The following PCCA variants were observed in gnomAD, a reference collection of about 807,000 sequenced individuals.
PCCA encodes the protein propionyl-CoA carboxylase subunit alpha.
A neutral mutation model predicts 101.3 loss-of-function variants in PCCA; 74 were observed. The observed-to-expected ratio is 0.73, with a 90% CI of 0.61 to 0.89. PCCA has a LOEUF of 0.89. Ranked by LOEUF, PCCA falls within the 40% of genes least tolerant of loss-of-function variation. PCCA has a pLI of 0.00. For synonymous variants in PCCA, 294 were observed against 313.6 expected (o/e 0.94, Z 0.66); for missense variants, 891 against 907.0 (o/e 0.98, Z 0.23).
chr13:100,491,580 C>A, intron 21 of PCCA: 1 of 953,126 alleles, frequency 1.0e-6, no homozygotes, highest in Non-Finnish European at 1.5e-6. Context: ...AAATGTTGCC[C>A]TTGGGATAGA....
At chr13:100,300,042 A>T (rs2065936167) in intron 12 of PCCA, among the ~76,000 whole-genome samples, 1 of 152,224 alleles carries the variant, frequency 6.6e-6, no homozygotes, top group Non-Finnish European at 1.5e-5. Context: ...GAGTGCTGAG[A>T]TGCTTTCTCA....
chr13:100,438,222 A>G (rs368821137), intron 20 of PCCA, among the ~76,000 whole-genome samples: 29 of 151,570 alleles, frequency 1.9e-4, no homozygotes, highest in African/African-American at 6.3e-4. Flanking sequence ...GTGGTGCAGT[A>G]TGGCTCACTG....
intron 12 of PCCA, among the ~76,000 whole-genome samples, chr13:100,290,770 AT>A (rs1208118284): frequency 6.6e-6 from 1 of 152,148 alleles, no homozygotes; most frequent in Non-Finnish European, 1.5e-5. Flanking sequence ...GATAACTGTC[AT>A]TTTATATTTA....
Position 100,494,544 on chromosome 13 carries a change from G to A in PCCA, c.1900-20883G>A, listed in dbSNP as rs144269089. Among the ~76,000 whole-genome samples the A allele has an allele frequency of 6.8e-3, 1,029 of 152,048 alleles. 8 individuals are homozygous for A. Among genetic ancestry groups the A allele is most frequent in the African/African-American group, 0.024 (980 of 41,470 alleles). On this transcript the variant is annotated intron_variant, in intron 21 of 23. Transcript: ENST00000376285. ...ACTGAAAATACAAAATTAGCCAGGC[G>A]TGGTGGTGCACGCCTGTAATCCCAG...
chr13:100,137,853 A>G (rs891231686), intron 4 of PCCA, among the ~76,000 whole-genome samples: 1 of 149,156 alleles, frequency 6.7e-6, no homozygotes, highest in African/African-American at 2.5e-5. Flanking sequence ...TCTGTCATCC[A>G]GGCTGGAGTG....
At chr13:100,434,880 C>T (rs369034079) in intron 20 of PCCA, among the ~76,000 whole-genome samples, 2 of 152,180 alleles carry the variant, frequency 1.3e-5, no homozygotes, top group South Asian at 2.1e-4. Context: ...CTTAAGAATT[C>T]GACCTCCTCA....
chr13:100,492,790 C>T (rs1203449865), intron 21 of PCCA, among the ~76,000 whole-genome samples: 1 of 151,436 alleles, frequency 6.6e-6, no homozygotes, highest in Non-Finnish European at 1.5e-5. Context: ...AAAGGTGCTT[C>T]TGAACATTGA....
At chr13:100,339,357 G>A (rs2152750415) in intron 17 of PCCA, among the ~76,000 whole-genome samples, 1 of 152,220 alleles carries the variant, frequency 6.6e-6, no homozygotes, top group Non-Finnish European at 1.5e-5. Flanking sequence ...CATTCAAGTT[G>A]CTCATACTGT....
intron 20 of PCCA, among the ~76,000 whole-genome samples, chr13:100,426,815 A>G (rs1384242397): frequency 6.6e-6 from 1 of 152,090 alleles, no homozygotes; most frequent in Non-Finnish European, 1.5e-5. Context: ...ATAACTTTAT[A>G]TAATATTATA....
chr13:100,447,663 A>C (rs2080933675), intron 20 of PCCA, among the ~76,000 whole-genome samples: 1 of 148,394 alleles, frequency 6.7e-6, no homozygotes, highest in Non-Finnish European at 1.5e-5. Context: ...CAAGAATGAA[A>C]CTCTGTCTCA....
chr13:100,422,116 T>TTCTTTCTC (rs2078850894), intron 19 of PCCA, among the ~76,000 whole-genome samples: 1 of 144,132 alleles, frequency 6.9e-6, no homozygotes, highest in Admixed American at 7.0e-5. Flanking sequence ...CTTTCTTTCT[T>TTCTTTCTC]TCTTTTCTTT....
intron 6 of PCCA, among the ~76,000 whole-genome samples, chr13:100,195,192 C>A (rs978855598): frequency 2.0e-5 from 3 of 152,140 alleles, no homozygotes; most frequent in Non-Finnish European, 2.9e-5. Flanking sequence ...TCCTTGTGAT[C>A]AGCTTCCATG....
At chr13:100,140,881 A>T (rs554878936) in intron 4 of PCCA, among the ~76,000 whole-genome samples, 2 of 152,284 alleles carry the variant, frequency 1.3e-5, no homozygotes, top group East Asian at 3.9e-4. Flanking sequence ...TGTGTATCCT[A>T]TATTATGGTA....
Position 100,289,158 on chromosome 13 carries a change from G to A in PCCA, c.1066-12302G>A, listed in dbSNP as rs557097555. Reference sequence around the variant, plus strand: ...ATGACTCTTGTACATGAGTTATGTGGCTATTTTCTTGCCTGAATGTTTATC... The same window carrying A: ...ATGACTCTTGTACATGAGTTATGTGACTATTTTCTTGCCTGAATGTTTATC... On this transcript the variant is annotated intron_variant, in intron 12 of 23. Coordinates refer to ENST00000376285, the MANE Select transcript of PCCA (RefSeq NM_000282.4). 2.0e-5 allele frequency among the ~76,000 whole-genome samples: 3 copies of A among 152,204 alleles called. No individual in the cohort carries two copies. In the South Asian group the frequency reaches 6.2e-4, roughly 32 times the overall value.
rs971221960 is a variant in PCCA, at chr13:100,322,897, C to A, written c.1430-7664C>A. ...GCACAATTTTCTCATTTGTAAGGTC[C>A]CATTTTTCTCTGTAGTTTACTTATT... On this transcript the variant is annotated intron_variant, in intron 16 of 23. Coordinates refer to ENST00000376285, the MANE Select transcript of PCCA (RefSeq NM_000282.4). Among the ~76,000 whole-genome samples, 5 of 152,086 alleles carry A rather than the reference C, an allele frequency of 3.3e-5. No homozygotes were observed. In the South Asian group the frequency reaches 6.2e-4, roughly 19 times the overall value.
At chr13:100,131,853 A>T (rs948403068) in intron 4 of PCCA, among the ~76,000 whole-genome samples, 1 of 152,208 alleles carries the variant, frequency 6.6e-6, no homozygotes, top group African/African-American at 2.4e-5. Flanking sequence ...AGAAGCAGAC[A>T]TTTTATAATT....
rs2052646575 is a variant in PCCA, at chr13:100,146,949, T to TAAATGGTTAAATAAATGGTTAAATAA, written c.301-8029_301-8028insAATGGTTAAATAAATGGTTAAATAAA. 2.0e-5 allele frequency among the ~76,000 whole-genome samples: 3 copies of TAAATGGTTAAATAAATGGTTAAATAA among 151,528 alleles called. 1 individual carries two copies. In the South Asian group the frequency reaches 6.2e-4, roughly 31 times the overall value. ...ATACTAGGAGAATGGTTAAATAAGT[T>TAAATGGTTAAATAAATGGTTAAATAA]ATGGTTCATCTAGATTACTAGAAAT... On this transcript the variant is annotated intron_variant, in intron 4 of 23. Coordinates refer to ENST00000376285, the MANE Select transcript of PCCA (RefSeq NM_000282.4).
At chr13:100,406,522 C>T (rs553479095) in intron 19 of PCCA, among the ~76,000 whole-genome samples, 9 of 152,204 alleles carry the variant, frequency 5.9e-5, no homozygotes, top group Admixed American at 2.0e-4. Context: ...CTGACCAACA[C>T]GGAGAAACCC....
At chr13:100,135,937 A>G (rs2051107518) in intron 4 of PCCA, among the ~76,000 whole-genome samples, 1 of 151,758 alleles carries the variant, frequency 6.6e-6, no homozygotes, top group African/African-American at 2.4e-5. Flanking sequence ...GTAATATGCT[A>G]TTTTACGCTG....
Sources: allele counts gnomAD v4.1 joint callset (sites outside exome capture counted in the v4.1 genomes callset), GRCh38; gene constraint gnomAD v4.1.1; transcripts MANE v1.5; gene names NCBI Gene and HGNC (gene_info 2026-07-23, HGNC 2026-07-21).